Variants in ACTR3C observed in about 807,000 individuals in gnomAD.
ACTR3C encodes actin-related protein 3C.
Under a neutral mutation model 26.3 loss-of-function variants are expected in ACTR3C, and 18 were observed. The ratio of observed to expected loss-of-function variants is 0.68; its 90% CI spans 0.47 to 1.01. The LOEUF (loss-of-function observed/expected upper bound fraction) is 1.01, where lower values mean the gene tolerates loss of function less well. ACTR3C is among the 50% of genes least tolerant of loss of function. The pLI, the probability that ACTR3C is intolerant of heterozygous loss-of-function variation, is 0.00. For synonymous variants in ACTR3C, 55 were observed against 94.5 expected, an observed-to-expected ratio of 0.58 and a Z score of 2.42; for missense variants, 184 against 250.7, an observed-to-expected ratio of 0.73 and a Z score of 1.80.
downstream of ACTR3C, among the ~76,000 whole-genome samples, chr7:150,239,279 A>G (rs1391305157): frequency 6.7e-6 from 1 of 148,554 alleles, no homozygotes; most frequent in Non-Finnish European, 1.5e-5. Flanking sequence ...TTCCTCAGTG[A>G]GACCTGCACA....
the ACTR3C span, among the ~76,000 whole-genome samples, chr7:150,032,102 C>T: frequency 6.6e-6 from 1 of 152,180 alleles, no homozygotes; most frequent in African/African-American, 2.4e-5. Flanking sequence ...GATGTCTGTC[C>T]TTGCAGCTGC....
the ACTR3C span, among the ~76,000 whole-genome samples, chr7:150,168,434 T>A: frequency 1.3e-5 from 2 of 150,834 alleles, no homozygotes; most frequent in Non-Finnish European, 2.9e-5. Context: ...CACCCCCCAG[T>A]GGAACTGTCT....
At chr7:150,229,109 A>G in the ACTR3C span, among the ~76,000 whole-genome samples, 21 of 152,214 alleles carry the variant, frequency 1.4e-4, no homozygotes, top group African/African-American at 4.8e-4. Context: ...TTCTTGATAG[A>G]CAGTCGTGTT....
At chr7:150,138,018 G>A in the ACTR3C span, among the ~76,000 whole-genome samples, 76 of 152,240 alleles carry the variant, frequency 5.0e-4, no homozygotes, top group Non-Finnish European at 5.3e-4. Flanking sequence ...ACATTTGGAG[G>A]AGCAAATACT....
At chr7:150,009,661 G>C in the ACTR3C span, among the ~76,000 whole-genome samples, 6 of 152,238 alleles carry the variant, frequency 3.9e-5, no homozygotes, top group African/African-American at 1.4e-4. Context: ...CAAAGGACCA[G>C]AGGACCTTTT....
At chr7:150,234,713 A>G in the ACTR3C span, among the ~76,000 whole-genome samples, 2 of 152,200 alleles carry the variant, frequency 1.3e-5, no homozygotes, top group South Asian at 4.1e-4. Context: ...TGTTTGCTGT[A>G]GGAACTTCAT....
chr7:149,928,244 C>G, the ACTR3C span, among the ~76,000 whole-genome samples: 1 of 147,904 alleles, frequency 6.8e-6, no homozygotes, highest in Non-Finnish European at 1.5e-5. Context: ...TGTTGCCAGG[C>G]TGGAGTGCAG....
At chr7:150,198,996 C>A in the ACTR3C span, among the ~76,000 whole-genome samples, 6 of 142,880 alleles carry the variant, frequency 4.2e-5, no homozygotes, top group Non-Finnish European at 6.0e-5. Context: ...GGTCAGCCCC[C>A]CTGCCCGGCC....
the ACTR3C span, among the ~76,000 whole-genome samples, chr7:149,971,923 C>G: frequency 6.6e-6 from 1 of 152,238 alleles, no homozygotes; most frequent in East Asian, 1.9e-4. Context: ...CAACTCACCA[C>G]ACACACACCT....
chr7:150,047,595 C>T, the ACTR3C span: 3 of 1,049,440 alleles, frequency 2.9e-6, no homozygotes, highest in South Asian at 4.4e-5. Flanking sequence ...CCCCCGCCCC[C>T]GAGAAGCTCT....
the ACTR3C span, among the ~76,000 whole-genome samples, chr7:150,049,591 C>G: frequency 1.3e-5 from 2 of 152,266 alleles, no homozygotes; most frequent in Non-Finnish European, 2.9e-5. Flanking sequence ...TCGCCCCCAG[C>G]CTTGGCATTG....
At chr7:150,205,923 T>C in the ACTR3C span, among the ~76,000 whole-genome samples, 2 of 151,834 alleles carry the variant, frequency 1.3e-5, no homozygotes, top group Non-Finnish European at 2.9e-5. Context: ...TTGGTGGTAA[T>C]GGGGAGTGAG....
chr7:150,089,437 A>C, the ACTR3C span, among the ~76,000 whole-genome samples: 1 of 152,344 alleles, frequency 6.6e-6, no homozygotes. Flanking sequence ...CTCCATCCCA[A>C]GAGGAAGTTC....
chr7:150,293,631 T>C (rs1234645074), intron 2 of ACTR3C, among the ~76,000 whole-genome samples: 2 of 151,814 alleles, frequency 1.3e-5, no homozygotes, highest in African/African-American at 4.8e-5. Context: ...ACTATAGGAG[T>C]CAAGTTTTCA....
At chr7:150,106,095 G>A in the ACTR3C span, among the ~76,000 whole-genome samples, 1 of 151,878 alleles carries the variant, frequency 6.6e-6, no homozygotes, top group Non-Finnish European at 1.5e-5. Flanking sequence ...CAGATGTTCA[G>A]GAATCATTAA....
At chr7:150,248,652 T>G (rs1490749112) in intron 7 of ACTR3C, 1 of 148,538 alleles carries the variant, frequency 6.7e-6, no homozygotes, top group East Asian at 1.6e-4. Context: ...AGAGCTAGAC[T>G]CCGTCTCAAA....
the ACTR3C span, among the ~76,000 whole-genome samples, chr7:149,906,407 T>C: frequency 1.7e-5 from 2 of 120,306 alleles, no homozygotes; most frequent in Non-Finnish European, 3.4e-5. Flanking sequence ...GTGTGGGGTT[T>C]GTTTCTTTTT....
chr7:150,258,916 G>C (rs1422128708), intron 6 of ACTR3C, among the ~76,000 whole-genome samples: 1 of 152,018 alleles, frequency 6.6e-6, no homozygotes, highest in South Asian at 2.1e-4. Flanking sequence ...TGGTATAGTT[G>C]CTGGAGCAGA....
chr7:150,034,124 G>T, the ACTR3C span, among the ~76,000 whole-genome samples: 1 of 151,700 alleles, frequency 6.6e-6, no homozygotes, highest in Non-Finnish European at 1.5e-5. Flanking sequence ...GGGAAGAGGG[G>T]ATGGATCTCA....
Sources: allele counts gnomAD v4.1 joint callset (sites outside exome capture counted in the v4.1 genomes callset), GRCh38; gene constraint gnomAD v4.1.1; transcripts MANE v1.5; gene names NCBI Gene and HGNC (gene_info 2026-07-23, HGNC 2026-07-21).